CNTNAP2: variants seen among roughly 807,000 people sequenced by gnomAD.
The protein encoded by CNTNAP2 is contactin-associated protein-like 2.
In CNTNAP2, 98 loss-of-function variants were observed where a neutral mutation model predicts 155.2. The observed-to-expected ratio is 0.63, with a 90% CI of 0.54 to 0.75. CNTNAP2 has a LOEUF of 0.75. CNTNAP2 is among the 30% of genes least tolerant of loss of function. CNTNAP2 has a pLI of 0.00. For synonymous variants in CNTNAP2, 651 were observed against 631.2 expected, an observed-to-expected ratio of 1.03 and a Z score of -0.47; for missense variants, 1,727 against 1,688.1, an observed-to-expected ratio of 1.02 and a Z score of -0.40.
intron 1 of CNTNAP2, among the ~76,000 whole-genome samples, chr7:146,306,061 C>T (rs956145107): frequency 2.0e-5 from 3 of 151,904 alleles, no homozygotes; most frequent in Admixed American, 6.6e-5. Flanking sequence ...ATTATAAAGG[C>T]GATATCACCA....
At chr7:146,674,691 G>A (rs116409747) in intron 1 of CNTNAP2, among the ~76,000 whole-genome samples, 1,783 of 152,182 alleles carry the variant, frequency 0.012, 20 homozygotes, top group Middle Eastern at 0.054. Context: ...CCCGGGCCCT[G>A]TATCCCATTT....
chr7:147,075,306 A>G (rs575448106), intron 4 of CNTNAP2, among the ~76,000 whole-genome samples: 1 of 152,292 alleles, frequency 6.6e-6, no homozygotes, highest in African/African-American at 2.4e-5. Context: ...GATTTAACCT[A>G]CAGCCTGGGT....
At chr7:147,699,248 C>G (rs78077378) in intron 13 of CNTNAP2, among the ~76,000 whole-genome samples, 4,683 of 143,840 alleles carry the variant, frequency 0.033, 257 homozygotes, top group African/African-American at 0.11. Flanking sequence ...AAAAAAAAAA[C>G]GCTTTTTAAA....
chr7:147,195,125 G>A (rs574648743), intron 8 of CNTNAP2, among the ~76,000 whole-genome samples: 6 of 152,132 alleles, frequency 3.9e-5, no homozygotes, highest in South Asian at 2.1e-4. Flanking sequence ...GTCCAGTTTC[G>A]GTTTTCTGCA....
At chr7:146,668,016 A>G (rs1800228637) in intron 1 of CNTNAP2, among the ~76,000 whole-genome samples, 1 of 152,040 alleles carries the variant, frequency 6.6e-6, no homozygotes, top group Admixed American at 6.5e-5. Flanking sequence ...TATTGAGTGC[A>G]AGTGGTGAGT....
intron 1 of CNTNAP2, among the ~76,000 whole-genome samples, chr7:146,267,140 C>T (rs758966893): frequency 6.6e-5 from 10 of 152,202 alleles, no homozygotes; most frequent in South Asian, 4.1e-4. Flanking sequence ...ATGTCTGATA[C>T]GGATTTTCTC....
At chr7:147,992,465 CA>C (rs1801728995) in intron 15 of CNTNAP2, among the ~76,000 whole-genome samples, 1 of 152,078 alleles carries the variant, frequency 6.6e-6, no homozygotes, top group Admixed American at 6.5e-5. Context: ...TGTGTATGTA[CA>C]TAGGAAATAG....
At chr7:147,358,050 G>C (rs552952309) in intron 9 of CNTNAP2, among the ~76,000 whole-genome samples, 67 of 152,174 alleles carry the variant, frequency 4.4e-4, no homozygotes, top group African/African-American at 1.6e-3. Context: ...TAATAAATTG[G>C]ATACTAAAAA....
intron 14 of CNTNAP2, among the ~76,000 whole-genome samples, chr7:147,953,895 A>G (rs776173405): frequency 2.0e-5 from 3 of 152,154 alleles, no homozygotes; most frequent in Admixed American, 6.5e-5. Flanking sequence ...CCATTGGATT[A>G]GGGCCCATCT....
intron 5 of CNTNAP2, among the ~76,000 whole-genome samples, chr7:147,118,357 C>T (rs1421964231): frequency 6.6e-6 from 1 of 151,494 alleles, no homozygotes; most frequent in Non-Finnish European, 1.5e-5. Context: ...TAATTTGCAA[C>T]ATTAATTACA....
At chr7:146,118,491 G>A (rs139342375) in intron 1 of CNTNAP2, among the ~76,000 whole-genome samples, 1 of 151,986 alleles carries the variant, frequency 6.6e-6, no homozygotes, top group East Asian at 1.9e-4. Context: ...TCAAGGTCTG[G>A]TTGTATAGAA....
At chr7:148,165,930 G>A (rs1343538672) in intron 17 of CNTNAP2, among the ~76,000 whole-genome samples, 1 of 152,060 alleles carries the variant, frequency 6.6e-6, no homozygotes, top group African/African-American at 2.4e-5. Flanking sequence ...TCCTGCAACC[G>A]CTCTCATCTC....
intron 13 of CNTNAP2, among the ~76,000 whole-genome samples, chr7:147,659,045 A>G (rs750871582): frequency 6.6e-6 from 1 of 152,166 alleles, no homozygotes; most frequent in Non-Finnish European, 1.5e-5. Context: ...ATGTTTTCCA[A>G]TCCTACATCT....
At position 146,162,437 on chromosome 7, in the gene CNTNAP2, C is replaced by T. The variant is rs1798238690; in HGVS notation, c.97+45464C>T. On this transcript the variant is annotated intron_variant, in intron 1 of 23. Transcript: ENST00000361727. ...ATCATCACTGGCCATGAGAGAAATG[C>T]AAATCAAAACCACAATGAGATACCA... Among the ~76,000 whole-genome samples the T allele has an allele frequency of 2.0e-5, 3 of 152,160 alleles. No individual in the cohort carries two copies. In the South Asian group the frequency reaches 6.2e-4, roughly 32 times the overall value.
At chr7:148,029,973 A>T (rs1353949202) in intron 15 of CNTNAP2, among the ~76,000 whole-genome samples, 1 of 152,222 alleles carries the variant, frequency 6.6e-6, no homozygotes, top group South Asian at 2.1e-4. Flanking sequence ...CCTAGAATCA[A>T]TGTCTTCTTA....
chr7:146,618,818 C>T (rs1425643411), intron 1 of CNTNAP2, among the ~76,000 whole-genome samples: 1 of 151,968 alleles, frequency 6.6e-6, no homozygotes, highest in Non-Finnish European at 1.5e-5. Context: ...GCCTGTAATC[C>T]CAGCACTTTG....
intron 11 of CNTNAP2, among the ~76,000 whole-genome samples, chr7:147,487,708 A>C (rs1017960691): frequency 2.0e-4 from 30 of 152,138 alleles, no homozygotes; most frequent in African/African-American, 6.5e-4. Flanking sequence ...AAAGGCAAAA[A>C]AAAAAATTAA....
chr7:147,004,212 C>CAAA (rs71525979), intron 3 of CNTNAP2, among the ~76,000 whole-genome samples: 18,374 of 96,842 alleles, frequency 0.19, 1,654 homozygotes, highest in African/African-American at 0.33. Flanking sequence ...ACTCATATAC[C>CAAA]AAAAAAAAAA....
intron 20 of CNTNAP2, among the ~76,000 whole-genome samples, chr7:148,245,928 T>A (rs543303050): frequency 6.6e-6 from 1 of 152,126 alleles, no homozygotes; most frequent in Non-Finnish European, 1.5e-5. Context: ...AATTCTCCCA[T>A]CCCTCTCCAC....
Sources: allele counts gnomAD v4.1 joint callset (sites outside exome capture counted in the v4.1 genomes callset), GRCh38; gene constraint gnomAD v4.1.1; transcripts MANE v1.5; gene names NCBI Gene and HGNC (gene_info 2026-07-23, HGNC 2026-07-21).